The following ANO4 variants were observed in gnomAD, a reference collection of about 807,000 sequenced individuals.
ANO4 encodes anoctamin-4.
A neutral mutation model predicts 141.9 loss-of-function variants in ANO4; 69 were observed. The ratio of observed to expected loss-of-function variants is 0.49; its 90% CI spans 0.40 to 0.59. The LOEUF (loss-of-function observed/expected upper bound fraction) is 0.59, where lower values mean the gene tolerates loss of function less well. ANO4 is among the 20% of genes least tolerant of loss of function. The pLI, the probability that ANO4 is intolerant of heterozygous loss-of-function variation, is 0.00. For missense variants in ANO4, 894 were observed against 1,162.2 expected, an observed-to-expected ratio of 0.77 and a Z score of 3.36; for synonymous variants, 350 against 394.3, an observed-to-expected ratio of 0.89 and a Z score of 1.33.
chr12:100,737,960 G>T (rs954530793), intron 2 of ANO4, among the ~76,000 whole-genome samples: 4 of 152,050 alleles, frequency 2.6e-5, no homozygotes, highest in Non-Finnish European at 4.4e-5. Flanking sequence ...AAGCAGGGGG[G>T]TCAAAAAATC....
intron 8 of ANO4, among the ~76,000 whole-genome samples, chr12:101,007,240 C>A (rs1404269852): frequency 6.6e-6 from 1 of 152,178 alleles, no homozygotes; most frequent in Non-Finnish European, 1.5e-5. Context: ...GTAGGCCTAG[C>A]TACTTGGGAG....
chr12:100,840,069 T>C (rs994275458), intron 1 of ANO4, among the ~76,000 whole-genome samples: 4 of 152,016 alleles, frequency 2.6e-5, no homozygotes, highest in African/African-American at 7.2e-5. Context: ...TACATATATA[T>C]GAGTGGTGTG....
At chr12:100,791,767 T>C (rs2135616857), upstream of ANO4, among the ~76,000 whole-genome samples, 1 of 152,294 alleles carries the variant, frequency 6.6e-6, no homozygotes. Context: ...GCCACTTGGG[T>C]GAGCGTTTTC....
At position 100,860,919 on chromosome 12, in the gene ANO4, G is replaced by T. The variant is rs553177098; in HGVS notation, c.-140-40727G>T. 1.6e-4 allele frequency among the ~76,000 whole-genome samples: 25 copies of T among 152,292 alleles called. No homozygotes were observed. In the South Asian group the frequency reaches 4.6e-3, roughly 28 times the overall value. On this transcript the variant is annotated intron_variant, in intron 1 of 27. Transcript: ENST00000392977. ...TCTCGCTGACTTCAAGAATGGGGCC[G>T]CGGACCTTCGCGGTGAGTGTTACAG...
chr12:100,780,324 G>A (rs1018021651), intron 3 of ANO4, among the ~76,000 whole-genome samples: 3 of 152,322 alleles, frequency 2.0e-5, no homozygotes, highest in Middle Eastern at 3.4e-3. Flanking sequence ...GTTTATTAGA[G>A]CAACGGGGTG....
rs145758058 is a variant in ANO4 at position 101,102,079 on chromosome 12, G to A, written c.2149+2359G>A. On this transcript the variant is annotated intron_variant, in intron 22 of 27. Coordinates refer to ENST00000392977, the MANE Select transcript of ANO4 (RefSeq NM_001286615.2). ...AGCCTGGGAGAGAGAGCAAAACTCC[G>A]TCTCAAAAAAAAAAGAATGTACTAT... 5.9e-3 allele frequency among the ~76,000 whole-genome samples: 888 copies of A among 151,460 alleles called. 9 individuals are homozygous for A. Among genetic ancestry groups the A allele is most frequent in the African/African-American group, 0.02 (816 of 41,318 alleles).
chr12:100,991,682 T>C (rs1422335330), intron 8 of ANO4, among the ~76,000 whole-genome samples: 1 of 152,154 alleles, frequency 6.6e-6, no homozygotes, highest in East Asian at 1.9e-4. Flanking sequence ...TTAACCAATA[T>C]TACCACCCAT....
chr12:100,858,549 A>C (rs11110561), intron 1 of ANO4, among the ~76,000 whole-genome samples: 44,627 of 151,900 alleles, frequency 0.29, 6,957 homozygotes, highest in Admixed American at 0.35. Context: ...AAGTTCCCTC[A>C]ATTTAAAAAA....
chr12:101,120,402 G>C, intron 25 of ANO4, 118 bp from the exon 26 acceptor site: 1 of 814,208 alleles, frequency 1.2e-6, no homozygotes, highest in East Asian at 2.7e-5. Flanking sequence ...CAGATATCTA[G>C]TATAGAGAAA....
intron 14 of ANO4, among the ~76,000 whole-genome samples, chr12:101,071,118 C>G (rs1005310854): frequency 6.6e-6 from 1 of 152,076 alleles, no homozygotes; most frequent in African/African-American, 2.4e-5. Context: ...CGAGGTTCCT[C>G]ACAGACAAAA....
chr12:100,905,867 G>A (rs960725500), intron 2 of ANO4, among the ~76,000 whole-genome samples: 2 of 152,140 alleles, frequency 1.3e-5, no homozygotes, highest in Non-Finnish European at 2.9e-5. Flanking sequence ...GATAACTGGT[G>A]GGAAGGAGGC....
chr12:100,815,944 A>G (rs926023728), intron 1 of ANO4, among the ~76,000 whole-genome samples: 4 of 152,110 alleles, frequency 2.6e-5, no homozygotes, highest in Admixed American at 1.3e-4. Flanking sequence ...GTACAGAAAC[A>G]GATCTTGTAG....
At chr12:100,731,805 A>G (rs970118456) in intron 1 of ANO4, among the ~76,000 whole-genome samples, 2 of 152,142 alleles carry the variant, frequency 1.3e-5, no homozygotes, top group African/African-American at 2.4e-5. Context: ...AGGTTCCTCC[A>G]TGTCTTTTCA....
intron 6 of ANO4, 107 bp from the exon 7 acceptor site, chr12:100,974,738 C>T: frequency 8.2e-7 from 1 of 1,218,364 alleles, no homozygotes; most frequent in Non-Finnish European, 1.2e-6. Context: ...TTCTTCTTCA[C>T]CTCTTACAGG....
intron 3 of ANO4, among the ~76,000 whole-genome samples, chr12:100,769,696 A>C (rs564301342): frequency 2.6e-5 from 4 of 152,274 alleles, no homozygotes; most frequent in Non-Finnish European, 5.9e-5. Flanking sequence ...TTCTAGAATG[A>C]TGTATTTTCA....
At chr12:100,915,666 A>G (rs2041304604) in intron 2 of ANO4, among the ~76,000 whole-genome samples, 2 of 152,192 alleles carry the variant, frequency 1.3e-5, no homozygotes, top group Non-Finnish European at 2.9e-5. Context: ...TTTGCAGAGA[A>G]TGAATATATA....
chr12:100,724,494 C>T (rs893001482), intron 1 of ANO4, among the ~76,000 whole-genome samples: 1 of 152,182 alleles, frequency 6.6e-6, no homozygotes, highest in Non-Finnish European at 1.5e-5. Flanking sequence ...TCTCTCCTGC[C>T]TGTCTTCTAG....
At chr12:100,928,144 G>A (rs1423640284) in intron 3 of ANO4, among the ~76,000 whole-genome samples, 1 of 149,662 alleles carries the variant, frequency 6.7e-6, no homozygotes, top group African/African-American at 2.4e-5. Context: ...CATTTCAGAG[G>A]AGCAGATGGC....
exon 3 of ANO4, chr12:100,740,010 A>G (rs1363688566): frequency 1.0e-5 from 7 of 702,602 alleles, no homozygotes; most frequent in Non-Finnish European, 1.8e-5. Flanking sequence ...AAGACTGACC[A>G]GGCCACACCT....
Sources: allele counts gnomAD v4.1 joint callset (sites outside exome capture counted in the v4.1 genomes callset), GRCh38; gene constraint gnomAD v4.1.1; transcripts MANE v1.5; gene names NCBI Gene and HGNC (gene_info 2026-07-23, HGNC 2026-07-21).